Variants in SOX6 observed in about 807,000 individuals in gnomAD.
The protein encoded by SOX6 is transcription factor SOX-6.
A neutral mutation model predicts 97.8 loss-of-function variants in SOX6; 11 were observed. The observed-to-expected ratio is 0.11, with a 90% confidence interval of 0.07 to 0.19. The LOEUF (loss-of-function observed/expected upper bound fraction) is 0.19, where lower values mean the gene tolerates loss of function less well. SOX6 is among the 10% of genes least tolerant of loss of function. SOX6 has a pLI of 1.00. For missense variants in SOX6, 810 were observed against 1,039.5 expected (o/e 0.78, Z 3.04); for synonymous variants, 360 against 371.4 (o/e 0.97, Z 0.35).
intron 1 of SOX6, among the ~76,000 whole-genome samples, chr11:16,432,097 C>T (rs1590201298): frequency 6.6e-6 from 1 of 152,050 alleles, no homozygotes; most frequent in African/African-American, 2.4e-5. Context: ...GCATTCATTT[C>T]GCAGCATCTC....
chr11:16,514,106 G>A (rs928317040), intron 4 of SOX6, among the ~76,000 whole-genome samples: 1 of 151,330 alleles, frequency 6.6e-6, no homozygotes, highest in Non-Finnish European at 1.5e-5. Context: ...GTTCCAGCTA[G>A]TCAGGAGGCT....
intron 1 of SOX6, among the ~76,000 whole-genome samples, chr11:16,440,254 G>A (rs1175132002): frequency 6.6e-6 from 1 of 152,126 alleles, no homozygotes; most frequent in Non-Finnish European, 1.5e-5. Context: ...CGGATTTGCC[G>A]TTCACACTGG....
chr11:16,411,192 A>G (rs1858804256), intron 1 of SOX6, among the ~76,000 whole-genome samples: 1 of 152,030 alleles, frequency 6.6e-6, no homozygotes, highest in Admixed American at 6.6e-5. Flanking sequence ...CCTCTGAGAA[A>G]CTCCACCTGT....
chr11:16,666,039 A>G (rs1847804787), intron 3 of SOX6, among the ~76,000 whole-genome samples: 1 of 152,194 alleles, frequency 6.6e-6, no homozygotes, highest in Non-Finnish European at 1.5e-5. Flanking sequence ...CTGAAATCAT[A>G]GCACCCAAGT....
intron 1 of SOX6, among the ~76,000 whole-genome samples, chr11:16,397,798 TAAA>T (rs1448507377): frequency 6.6e-6 from 1 of 151,512 alleles, no homozygotes; most frequent in Non-Finnish European, 1.5e-5. Context: ...ATTCAGGTGC[TAAA>T]ACACAAGATA....
At chr11:16,526,495 AG>A (rs1861167938) in intron 4 of SOX6, among the ~76,000 whole-genome samples, 1 of 149,086 alleles carries the variant, frequency 6.7e-6, no homozygotes, top group Non-Finnish European at 1.5e-5. Flanking sequence ...GGGTGGGGGG[AG>A]TGGGGAGGGA....
At chr11:16,117,831 G>A (rs889931532) in intron 6 of SOX6, among the ~76,000 whole-genome samples, 2 of 152,094 alleles carry the variant, frequency 1.3e-5, no homozygotes, top group African/African-American at 4.8e-5. Context: ...TGCCAGGAAA[G>A]GCAGTCACAT....
At chr11:16,204,951 C>CT (rs1565018541) in intron 4 of SOX6, among the ~76,000 whole-genome samples, 1 of 150,302 alleles carries the variant, frequency 6.7e-6, no homozygotes, top group Admixed American at 6.7e-5. Flanking sequence ...CATGCTTCCT[C>CT]TTTTTAAAAA....
At chr11:16,228,737 C>A (rs140890266) in intron 4 of SOX6, among the ~76,000 whole-genome samples, 2 of 152,230 alleles carry the variant, frequency 1.3e-5, no homozygotes, top group East Asian at 3.9e-4. Flanking sequence ...GTAATCATTT[C>A]ACTGTATGTA....
intron 4 of SOX6, among the ~76,000 whole-genome samples, chr11:16,192,890 G>A (rs1851668905): frequency 6.6e-6 from 1 of 152,116 alleles, no homozygotes; most frequent in South Asian, 2.1e-4. Flanking sequence ...ACTGGTCATT[G>A]GGAAGTCACT....
At chr11:16,402,788 T>TGA (rs767227645) in intron 1 of SOX6, 3 of 1,591,838 alleles carry the variant, frequency 1.9e-6, no homozygotes. Flanking sequence ...TATTGTTACA[T>TGA]GAGACAACAA....
In SOX6 at chr11:15,970,169, T is replaced by TA. The variant is rs1039076284; in HGVS notation, c.*2639dup. On this transcript the variant is annotated 3_prime_UTR_variant, in exon 16 of 16. Transcript: ENST00000683767. ...ACAGTTTCACATTAGTCAGAAGTGA[T>TA]AAAAAATACCATTTATATCCAGTGC... The TA allele has an allele frequency of 2.0e-5, 3 of 152,422 alleles. No homozygotes were observed. Among genetic ancestry groups the TA allele is most frequent in the African/African-American group, 7.2e-5 (3 of 41,448 alleles). 9.4% of individuals were successfully genotyped at this position (152,422 alleles called of 1,614,324 possible).
At chr11:16,240,947 T>C (rs1853177393) in intron 3 of SOX6, among the ~76,000 whole-genome samples, 2 of 152,060 alleles carry the variant, frequency 1.3e-5, no homozygotes, top group South Asian at 4.1e-4. Flanking sequence ...CAATGTAGTA[T>C]CCAAAAGTGA....
chr11:16,025,022 C>T (rs1855176450), intron 12 of SOX6, among the ~76,000 whole-genome samples: 1 of 151,970 alleles, frequency 6.6e-6, no homozygotes, highest in Non-Finnish European at 1.5e-5. Context: ...GATATGAGAC[C>T]CTTTTAGGCT....
intron 1 of SOX6, among the ~76,000 whole-genome samples, chr11:16,392,232 T>C (rs955123842): frequency 6.6e-6 from 1 of 152,088 alleles, no homozygotes; most frequent in Non-Finnish European, 1.5e-5. Context: ...AAATAGTAGT[T>C]ACACTTGGGA....
chr11:16,284,061 G>T (rs1347020379), intron 3 of SOX6: 2 of 238,480 alleles, frequency 8.4e-6, no homozygotes, highest in Non-Finnish European at 1.7e-5. Flanking sequence ...AGAAAGAAGT[G>T]TTATTTTCAA....
chr11:16,404,598 G>A (rs1015245789), intron 1 of SOX6, among the ~76,000 whole-genome samples: 2 of 151,780 alleles, frequency 1.3e-5, no homozygotes, highest in African/African-American at 4.8e-5. Flanking sequence ...CCACAACCAG[G>A]TTTCACCATC....
chr11:16,364,429 A>T (rs1590160863), intron 1 of SOX6, among the ~76,000 whole-genome samples: 2 of 152,066 alleles, frequency 1.3e-5, no homozygotes, highest in East Asian at 3.9e-4. Flanking sequence ...AACTTGATCT[A>T]CTCTCCAACC....
chr11:15,990,125 C>T lies in SOX6; in HGVS notation c.1733-895G>A, dbSNP rs947686988. On this transcript the variant is annotated intron_variant, in intron 13 of 15. Coordinates refer to ENST00000683767, the MANE Select transcript of SOX6 (RefSeq NM_001367873.1). ...GTCCTCTTGCTTTCAGGAGACATGCCCCATAGTAATTATTGTTTATGTGAC... is the reference window on the plus strand; with the variant it reads ...GTCCTCTTGCTTTCAGGAGACATGCTCCATAGTAATTATTGTTTATGTGAC... 3.3e-5 allele frequency among the ~76,000 whole-genome samples: 5 copies of T among 151,802 alleles called. No individual in the cohort carries two copies. The East Asian group carries it at 7.7e-4, about 23-fold the overall frequency.
Sources: gnomAD v4.1 joint callset for allele counts (sites outside exome capture counted in the v4.1 genomes callset) on GRCh38, gnomAD v4.1.1 for gene constraint, MANE v1.5 for transcripts, NCBI Gene and HGNC (gene_info 2026-07-23, HGNC 2026-07-21) for gene names.